The following FAM13A variants were observed in gnomAD, a reference collection of about 807,000 sequenced individuals.
FAM13A encodes protein FAM13A.
FAM13A carries 76 observed loss-of-function variants against 129.6 expected under a neutral mutation model. The ratio of observed to expected loss-of-function variants is 0.59; its 90% CI spans 0.49 to 0.71. The LOEUF is 0.71. Ranked by LOEUF, FAM13A falls within the 30% of genes least tolerant of loss-of-function variation. FAM13A has a pLI of 0.00. For missense variants in FAM13A, 1,108 were observed against 1,249.3 expected (o/e 0.89, Z 1.70); for synonymous variants, 443 against 449.9 (o/e 0.98, Z 0.20).
chr4:88,855,141 C>T (rs1287225671), intron 6 of FAM13A, among the ~76,000 whole-genome samples: 1 of 152,144 alleles, frequency 6.6e-6, no homozygotes, highest in Non-Finnish European at 1.5e-5. Flanking sequence ...TACTTGGTTA[C>T]ATGTTAAATG....
intron 1 of FAM13A, among the ~76,000 whole-genome samples, chr4:89,034,617 C>T (rs1769123985): frequency 6.6e-6 from 1 of 152,190 alleles, no homozygotes; most frequent in Admixed American, 6.5e-5. Context: ...CACGGTGGCT[C>T]ATGCCTGTAA....
intron 17 of FAM13A, among the ~76,000 whole-genome samples, chr4:88,748,143 C>T (rs1200439353): frequency 5.3e-5 from 8 of 152,148 alleles, no homozygotes; most frequent in Non-Finnish European, 8.8e-5. Flanking sequence ...CCTCCTGCCT[C>T]GGCCTCCCAA....
chr4:88,993,091 A>G (rs751818300), intron 3 of FAM13A, among the ~76,000 whole-genome samples: 3 of 152,338 alleles, frequency 2.0e-5, no homozygotes, highest in East Asian at 1.9e-4. Flanking sequence ...GGCTCAAGTC[A>G]TTTCTGGGGT....
At chr4:88,783,985 T>C (rs1723475457) in intron 10 of FAM13A, among the ~76,000 whole-genome samples, 1 of 152,062 alleles carries the variant, frequency 6.6e-6, no homozygotes, top group African/African-American at 2.4e-5. Flanking sequence ...TATTTTGTTA[T>C]GGCAGCCCAA....
intron 6 of FAM13A, among the ~76,000 whole-genome samples, chr4:88,859,581 G>A (rs1739138887): frequency 6.6e-6 from 1 of 152,164 alleles, no homozygotes; most frequent in Non-Finnish European, 1.5e-5. Flanking sequence ...TAATGGCCAA[G>A]GAGAATGTAT....
At chr4:88,956,153 C>T (rs1362213657) in intron 4 of FAM13A, among the ~76,000 whole-genome samples, 2 of 152,210 alleles carry the variant, frequency 1.3e-5, no homozygotes. Context: ...ACTCACCACT[C>T]ACTCATTGAC....
At chr4:88,766,923 C>A (rs1745806130) in intron 13 of FAM13A, among the ~76,000 whole-genome samples, 1 of 152,164 alleles carries the variant, frequency 6.6e-6, no homozygotes, top group African/African-American at 2.4e-5. Context: ...CATACACATA[C>A]ATGAATTAAA....
chr4:88,860,859 G>A (rs1022297627), intron 6 of FAM13A, among the ~76,000 whole-genome samples: 4 of 152,114 alleles, frequency 2.6e-5, no homozygotes, highest in African/African-American at 9.7e-5. Flanking sequence ...CCATTAGGGC[G>A]CCACTCATTG....
chr4:88,804,027 C>T (rs529934274), intron 8 of FAM13A, among the ~76,000 whole-genome samples: 2 of 151,996 alleles, frequency 1.3e-5, no homozygotes, highest in East Asian at 1.9e-4. Flanking sequence ...GAGGCTGAGG[C>T]GGGTGGATCA....
chr4:88,982,093 G>A (rs1249715264), intron 4 of FAM13A, among the ~76,000 whole-genome samples: 3 of 152,194 alleles, frequency 2.0e-5, no homozygotes, highest in East Asian at 1.9e-4. Flanking sequence ...TCTGAGAGGC[G>A]GGTAGAGCCA....
intron 6 of FAM13A, among the ~76,000 whole-genome samples, chr4:88,892,914 A>C (rs1327356090): frequency 6.6e-6 from 1 of 152,222 alleles, no homozygotes; most frequent in Non-Finnish European, 1.5e-5. Context: ...TCTTTTATAC[A>C]TTAAAAGGTA....
chr4:88,915,530 T>G (rs962223365), intron 5 of FAM13A, among the ~76,000 whole-genome samples: 2 of 152,188 alleles, frequency 1.3e-5, no homozygotes, highest in African/African-American at 4.8e-5. Context: ...TTATATACCT[T>G]ATGAAACACA....
intron 23 of FAM13A, 53 bp downstream of exon 23, chr4:88,731,274 G>A: frequency 5.2e-6 from 5 of 964,606 alleles, no homozygotes; most frequent in Non-Finnish European, 3.2e-6. Flanking sequence ...AAGAGGGATG[G>A]GTGTGTGTGG....
At chr4:88,853,319 C>A (rs1022053753) in intron 6 of FAM13A, among the ~76,000 whole-genome samples, 1 of 152,098 alleles carries the variant, frequency 6.6e-6, no homozygotes, top group African/African-American at 2.4e-5. Context: ...ATATGCGTTA[C>A]CTCACATACA....
At chr4:89,055,816 T>G (rs1708680) in intron 1 of FAM13A, among the ~76,000 whole-genome samples, 88,838 of 151,702 alleles carry the variant, frequency 0.59, 26,558 homozygotes, top group Middle Eastern at 0.68. Context: ...GTGACATACA[T>G]GGTGCTGAAA....
At chr4:88,888,741 C>T (rs1447763101) in intron 6 of FAM13A, among the ~76,000 whole-genome samples, 1 of 149,744 alleles carries the variant, frequency 6.7e-6, no homozygotes, top group Non-Finnish European at 1.5e-5. Flanking sequence ...CTGGCTATCA[C>T]AGTGAAACCC....
At chr4:88,748,324 A>G (rs994600412) in intron 17 of FAM13A, among the ~76,000 whole-genome samples, 1 of 152,166 alleles carries the variant, frequency 6.6e-6, no homozygotes, top group South Asian at 2.1e-4. Flanking sequence ...ACCTGAGAGA[A>G]TGGTAACATT....
In FAM13A at chr4:88,921,078, G is replaced by A. The variant is rs570218665; in HGVS notation, c.760-14616C>T. On this transcript the variant is annotated intron_variant, in intron 5 of 23. Coordinates refer to ENST00000264344, the MANE Select transcript of FAM13A (RefSeq NM_014883.4). ...AAAAGACCAAATCTACGTCTGATTGGTGTACCTGAAAGTGACGGGGAGAAT... is the reference window on the plus strand; with the variant it reads ...AAAAGACCAAATCTACGTCTGATTGATGTACCTGAAAGTGACGGGGAGAAT... 7.9e-5 allele frequency among the ~76,000 whole-genome samples: 12 copies of A among 152,290 alleles called. No homozygotes were observed. The East Asian group carries it at 2.1e-3, about 27-fold the overall frequency.
intron 1 of FAM13A, among the ~76,000 whole-genome samples, chr4:89,047,765 T>G (rs138762529): frequency 3.3e-5 from 5 of 152,242 alleles, no homozygotes; most frequent in South Asian, 2.1e-4. Flanking sequence ...ATGTATCTAA[T>G]AAAGGACTTG....
Sources: gnomAD v4.1 joint callset for allele counts (sites outside exome capture counted in the v4.1 genomes callset) on GRCh38, gnomAD v4.1.1 for gene constraint, MANE v1.5 for transcripts, NCBI Gene and HGNC (gene_info 2026-07-23, HGNC 2026-07-21) for gene names.